The following ATRNL1 variants were observed in gnomAD, a reference collection of about 807,000 sequenced individuals.
ATRNL1 encodes the protein attractin like 1.
ATRNL1 carries 95 observed loss-of-function variants against 182.7 expected under a neutral mutation model. That is an observed-to-expected ratio of 0.52 (90% CI 0.44 to 0.62). ATRNL1 has a LOEUF of 0.62. Ranked by LOEUF, ATRNL1 falls within the 20% of genes least tolerant of loss-of-function variation. ATRNL1 has a pLI of 0.00. For synonymous variants in ATRNL1, 576 were observed against 568.3 expected, an observed-to-expected ratio of 1.01 and a Z score of -0.19; for missense variants, 1,471 against 1,679.5, an observed-to-expected ratio of 0.88 and a Z score of 2.17.
intron 27 of ATRNL1, among the ~76,000 whole-genome samples, chr10:115,731,766 C>G (rs1257312722): frequency 1.2e-4 from 18 of 151,818 alleles, no homozygotes; most frequent in African/African-American, 4.1e-4. Flanking sequence ...GAAAGAAACC[C>G]TATGCCTTTC....
At chr10:115,386,110 T>G (rs1858333656) in intron 19 of ATRNL1, among the ~76,000 whole-genome samples, 1 of 152,208 alleles carries the variant, frequency 6.6e-6, no homozygotes, top group African/African-American at 2.4e-5. Context: ...GGAATTGTAT[T>G]GAAATTTTAT....
At position 115,093,884 on chromosome 10, in the gene ATRNL1, G is replaced by A; in HGVS notation, c.134G>A (p.Cys45Tyr). 6.3e-7 allele frequency: 1 copy of A among 1,593,730 alleles called. No homozygotes were observed. Residue 45 changes from cysteine to tyrosine, a missense_variant, in exon 1 of 29, where the codon TGC becomes TAC. Physicochemically the swap from Cys to Tyr is radical, Grantham distance 194. This residue lies in a region of ATRNL1 where 1,031 missense variants were observed against 1,156.0 expected (regional missense o/e 0.89). Coordinates refer to ENST00000355044, the MANE Select transcript of ATRNL1 (RefSeq NM_207303.4). This position sits in a 1 kb window ranked among gnomAD's most constrained non-coding sequence, Gnocchi z 6.1. ...WLLDGNSWLL[C>Y]YGFLYLALYA... ...CTGGACGGGAACAGCTGGCTGCTGT[G>A]CTATGGCTTCCTCTACCTGGCGCTC...
At chr10:115,372,364 A>G (rs1326932389) in intron 19 of ATRNL1, among the ~76,000 whole-genome samples, 1 of 152,034 alleles carries the variant, frequency 6.6e-6, no homozygotes, top group Admixed American at 6.6e-5. Flanking sequence ...AAGCTTCTTA[A>G]TTGGAAACAA....
chr10:115,694,103 A>G (rs957333717), intron 26 of ATRNL1, among the ~76,000 whole-genome samples: 5 of 151,336 alleles, frequency 3.3e-5, no homozygotes, highest in African/African-American at 9.7e-5. Flanking sequence ...GCCTCTTTCT[A>G]TTTGCCATTT....
chr10:115,537,652 G>A (rs1852111971), intron 25 of ATRNL1, among the ~76,000 whole-genome samples: 1 of 151,966 alleles, frequency 6.6e-6, no homozygotes, highest in African/African-American at 2.4e-5. Context: ...TGTTAGAGGG[G>A]GCAGTGGTTA....
intron 9 of ATRNL1, among the ~76,000 whole-genome samples, chr10:115,224,415 G>C (rs1849613929): frequency 6.6e-6 from 1 of 151,388 alleles, no homozygotes; most frequent in South Asian, 2.1e-4. Context: ...TGAGAAGTTA[G>C]AAAAAGAACA....
chr10:115,694,422 T>A (rs1161254978), intron 26 of ATRNL1, among the ~76,000 whole-genome samples: 1 of 152,138 alleles, frequency 6.6e-6, no homozygotes, highest in Non-Finnish European at 1.5e-5. Context: ...GTGGATAAGT[T>A]CTTTGGAAGT....
rs142518983 is a variant in ATRNL1 at position 115,371,690 on chromosome 10, T to C, written c.3176-22969T>C. ...TTACAGTCTCATAGACAGAAGGGAC[T>C]CTCCTTGTCTCGGATGAGACTGTGG... On this transcript the variant is annotated intron_variant, in intron 19 of 28. Transcript: ENST00000355044. 5.0e-3 allele frequency among the ~76,000 whole-genome samples: 765 copies of C among 152,344 alleles called. 1 individual carries two copies. The highest frequency in any genetic ancestry group is 0.01 in the Middle Eastern group (3 of 294).
At chr10:115,160,867 A>T (rs189334606) in intron 6 of ATRNL1, among the ~76,000 whole-genome samples, 181 of 152,062 alleles carry the variant, frequency 1.2e-3, no homozygotes, top group Admixed American at 2.2e-3. Flanking sequence ...ATATTATGTA[A>T]TAACTGGTAC....
At chr10:115,366,788 G>C (rs1251265042) in intron 19 of ATRNL1, among the ~76,000 whole-genome samples, 4 of 149,800 alleles carry the variant, frequency 2.7e-5, no homozygotes, top group African/African-American at 5.0e-5. Context: ...AGCTTAGTTT[G>C]GCTGGATATG....
intron 27 of ATRNL1, among the ~76,000 whole-genome samples, chr10:115,841,299 A>G (rs1230404957): frequency 3.9e-5 from 6 of 152,154 alleles, no homozygotes; most frequent in African/African-American, 1.2e-4. Context: ...TCCCAAAGTC[A>G]GTGCCACACA....
intron 10 of ATRNL1, among the ~76,000 whole-genome samples, chr10:115,244,605 C>T (rs1850553220): frequency 6.6e-6 from 1 of 152,130 alleles, no homozygotes; most frequent in Non-Finnish European, 1.5e-5. Context: ...TTGACTGTAA[C>T]ATATGACATG....
intron 26 of ATRNL1, among the ~76,000 whole-genome samples, chr10:115,646,636 T>C (rs1375500742): frequency 6.6e-6 from 1 of 151,686 alleles, no homozygotes; most frequent in African/African-American, 2.4e-5. Flanking sequence ...TTTTCTTTTT[T>C]TTTTTTATGA....
intron 21 of ATRNL1, among the ~76,000 whole-genome samples, chr10:115,455,789 G>C (rs1221252330): frequency 6.6e-6 from 1 of 151,980 alleles, no homozygotes; most frequent in African/African-American, 2.4e-5. Flanking sequence ...AAATTTACAA[G>C]AAAAAATCAA....
intron 28 of ATRNL1, among the ~76,000 whole-genome samples, chr10:115,860,251 T>G (rs1286657743): frequency 6.6e-6 from 1 of 152,168 alleles, no homozygotes; most frequent in Non-Finnish European, 1.5e-5. Context: ...AATTGAACCT[T>G]GAAGCCCCTA....
intron 26 of ATRNL1, among the ~76,000 whole-genome samples, chr10:115,598,663 A>G (rs1484889602): frequency 6.6e-6 from 1 of 152,088 alleles, no homozygotes; most frequent in Non-Finnish European, 1.5e-5. Context: ...ACCCATTCCT[A>G]TTATAATAAA....
intron 26 of ATRNL1, among the ~76,000 whole-genome samples, chr10:115,702,816 C>T (rs1946779762): frequency 6.6e-6 from 1 of 151,900 alleles, no homozygotes; most frequent in Non-Finnish European, 1.5e-5. Context: ...ATTCTGTACT[C>T]ATGGATTGGA....
At chr10:115,791,647 C>G (rs191621999) in intron 27 of ATRNL1, among the ~76,000 whole-genome samples, 2 of 152,068 alleles carry the variant, frequency 1.3e-5, no homozygotes, top group East Asian at 1.9e-4. Flanking sequence ...CAGAATACTC[C>G]AAAACTTATT....
At chr10:115,131,209 T>A (rs1371929618) in intron 5 of ATRNL1, among the ~76,000 whole-genome samples, 1 of 152,076 alleles carries the variant, frequency 6.6e-6, no homozygotes, top group South Asian at 2.1e-4. Flanking sequence ...GTCTAAGAAC[T>A]ACTTGTCTGT....
Sources: gnomAD v4.1 joint callset for allele counts (sites outside exome capture counted in the v4.1 genomes callset) on GRCh38, gnomAD v4.1.1 for gene constraint, gnomAD v4.1.1 regional missense constraint, Gnocchi (gnomAD v3.1) non-coding constraint, MANE v1.5 for transcripts, NCBI Gene and HGNC (gene_info 2026-07-23, HGNC 2026-07-21) for gene names.